The following UPRT variants were observed in gnomAD, a reference collection of about 807,000 sequenced individuals.
The protein encoded by UPRT is RP11-311P8.3.
A neutral mutation model predicts 22.6 loss-of-function variants in UPRT; 5 were observed. The observed-to-expected ratio is 0.22, with a 90% CI of 0.12 to 0.47. UPRT has a LOEUF of 0.47. Among genes scored for constraint, UPRT ranks in the 20% least tolerant of loss-of-function variants. UPRT has a pLI of 0.99. For synonymous variants in UPRT, 77 were observed against 87.7 expected (o/e 0.88, Z 0.68); for missense variants, 181 against 239.9 (o/e 0.75, Z 1.62).
intron 4 of UPRT, among the ~76,000 whole-genome samples, chrX:75,260,849 G>T (rs1164811911): frequency 9.0e-6 from 1 of 111,673 alleles, no homozygotes; most frequent in Non-Finnish European, 1.9e-5. Flanking sequence ...CCACATAATT[G>T]TAAGTAAAGC....
At chrX:75,214,847 A>G (rs1319254620) in intron 4 of UPRT, among the ~76,000 whole-genome samples, 1 of 111,253 alleles carries the variant, frequency 9.0e-6, no homozygotes, top group Non-Finnish European at 1.9e-5. Flanking sequence ...CAGGAGTTCA[A>G]GGCTGCAGTG....
intron 4 of UPRT, among the ~76,000 whole-genome samples, chrX:75,236,598 A>C (rs1401068749): frequency 4.5e-5 from 5 of 111,907 alleles, no homozygotes; most frequent in African/African-American, 1.6e-4. Context: ...TACCAAAAAA[A>C]AGATATAGAT....
chrX:75,183,198 G>T (rs997561914), intron 4 of UPRT, among the ~76,000 whole-genome samples: 2 of 109,620 alleles, frequency 1.8e-5, no homozygotes, highest in Non-Finnish European at 3.8e-5. Flanking sequence ...ACAAGCCCTG[G>T]TGTGTGATGT....
intron 4 of UPRT, among the ~76,000 whole-genome samples, chrX:75,200,722 C>T (rs1008944950): frequency 6.3e-5 from 7 of 111,218 alleles, no homozygotes; most frequent in East Asian, 2.8e-4. Flanking sequence ...GAGGCTGAGG[C>T]GGGCGGATTG....
chrX:75,303,582 T>A lies in UPRT; in HGVS notation c.*71T>A. 1.1e-6 allele frequency: 1 copy of A among 908,146 alleles called. No homozygotes were observed. The highest frequency in any genetic ancestry group is 1.5e-6 in the Non-Finnish European group (1 of 656,315). 74.8% of individuals were successfully genotyped at this position (908,146 alleles called of 1,213,427 possible). A position where few individuals can be genotyped will look rare whatever the true frequency, so the allele number is the denominator to read the frequency against. ...TTTGATTTTCTATTTGTTTTACTGA[T>A]TCACTTGAGGGTGGCAGAGAAAAAT... On this transcript the variant is annotated 3_prime_UTR_variant, in exon 7 of 7. Coordinates refer to ENST00000373383, the MANE Select transcript of UPRT (RefSeq NM_145052.4).
chrX:75,177,501 T>C (rs1209307662), intron 4 of UPRT, among the ~76,000 whole-genome samples: 1 of 109,837 alleles, frequency 9.1e-6, no homozygotes, highest in East Asian at 2.9e-4. Context: ...CCTGTTAGAG[T>C]CCTAAGCATT....
intron 1 of UPRT, among the ~76,000 whole-genome samples, chrX:75,159,865 C>T (rs768301905): frequency 4.8e-5 from 5 of 104,723 alleles, no homozygotes; most frequent in Non-Finnish European, 7.8e-5. Flanking sequence ...CAACTTTCGC[C>T]TCCCGGGTTC....
rs140859696 is a variant in UPRT, at chrX:75,165,443, G to A, written c.-521+2218G>A. On this transcript the variant is annotated intron_variant, in intron 3 of 13. Coordinates refer to the UPRT transcript ENST00000652605. ...ATGTATAACAAGGAATGTTTAAAGC[G>A]AAGGTCAAGGAAAGGATAAGAGATT... 9.9e-3 allele frequency among the ~76,000 whole-genome samples: 1,108 copies of A among 111,741 alleles called. 16 individuals are homozygous for A. Among genetic ancestry groups the A allele is most frequent in the African/African-American group, 0.033 (1,004 of 30,807 alleles).
chrX:75,252,008 G>T (rs1190658078), intron 4 of UPRT, among the ~76,000 whole-genome samples: 1 of 112,080 alleles, frequency 8.9e-6, no homozygotes, highest in Admixed American at 9.4e-5. Context: ...TGGCTATCCA[G>T]ATGTAGAAAG....
intron 4 of UPRT, among the ~76,000 whole-genome samples, chrX:75,234,503 A>C (rs1391946758): frequency 9.0e-6 from 1 of 111,496 alleles, no homozygotes; most frequent in Non-Finnish European, 1.9e-5. Flanking sequence ...GCACCACACC[A>C]CACCTATTCC....
At chrX:75,283,588 T>TTTTG (rs766544686) in intron 1 of UPRT, among the ~76,000 whole-genome samples, 7 of 111,382 alleles carry the variant, frequency 6.3e-5, no homozygotes, top group East Asian at 2.8e-4. Context: ...TTGGCTGATT[T>TTTTG]TTTGTTTGTT....
chrX:75,207,303 A>G (rs150390286), intron 4 of UPRT, among the ~76,000 whole-genome samples: 3,592 of 112,101 alleles, frequency 0.032, 147 homozygotes, highest in African/African-American at 0.11. Flanking sequence ...CTGCCTGTTG[A>G]GAGGTAATTC....
chrX:75,303,023 G>C (rs2147706714), intron 6 of UPRT, among the ~76,000 whole-genome samples: 1 of 111,051 alleles, frequency 9.0e-6, no homozygotes, highest in African/African-American at 3.3e-5. Context: ...TTACAGGCTT[G>C]AGCCACTGTG....
At chrX:75,219,744 G>C (rs778246167) in intron 4 of UPRT, among the ~76,000 whole-genome samples, 26 of 111,165 alleles carry the variant, frequency 2.3e-4, no homozygotes, top group Non-Finnish European at 4.3e-4. Flanking sequence ...GAGTTAAAGA[G>C]AAATGCAGAC....
chrX:75,249,154 C>T (rs752711774), intron 4 of UPRT, among the ~76,000 whole-genome samples: 6 of 111,410 alleles, frequency 5.4e-5, no homozygotes, highest in African/African-American at 1.3e-4. Flanking sequence ...CATCAACTAA[C>T]GAGCAAAATA....
intron 4 of UPRT, among the ~76,000 whole-genome samples, chrX:75,172,413 G>C (rs1042298878): frequency 9.0e-6 from 1 of 111,631 alleles, no homozygotes; most frequent in Admixed American, 9.4e-5. Flanking sequence ...CAACCCAAAA[G>C]GTCGGTCTGA....
At chrX:75,166,129 T>C (rs1466398159) in intron 3 of UPRT, among the ~76,000 whole-genome samples, 1 of 111,839 alleles carries the variant, frequency 8.9e-6, no homozygotes, top group Non-Finnish European at 1.9e-5. Flanking sequence ...CATTCTAGTT[T>C]AGTCTTACAA....
intron 4 of UPRT, among the ~76,000 whole-genome samples, chrX:75,205,383 C>CAAAAAA (rs55819232): frequency 1.0e-4 from 4 of 38,168 alleles, no homozygotes; most frequent in African/African-American, 2.6e-4. Flanking sequence ...GACTCCGTCT[C>CAAAAAA]AAAAAAAAAA....
chrX:75,183,299 T>G, intron 4 of UPRT, among the ~76,000 whole-genome samples: 1 of 111,509 alleles, frequency 9.0e-6, no homozygotes, highest in South Asian at 3.8e-4. Context: ...TGCGATAGTT[T>G]GCTCACAATG....
Sources: allele counts gnomAD v4.1 joint callset (sites outside exome capture counted in the v4.1 genomes callset), GRCh38; gene constraint gnomAD v4.1.1; transcripts MANE v1.5; gene names NCBI Gene and HGNC (gene_info 2026-07-23, HGNC 2026-07-21).